Variants in PSMD9 observed in about 807,000 individuals in gnomAD.
PSMD9 encodes proteasome 26S subunit, non-ATPase 9.
A neutral mutation model predicts 25.9 loss-of-function variants in PSMD9; 26 were observed. That is an observed-to-expected ratio of 1.00 (90% CI 0.73 to 1.39). The LOEUF (loss-of-function observed/expected upper bound fraction) is 1.39, where lower values mean the gene tolerates loss of function less well. Ranked by LOEUF, PSMD9 falls within the 40% of genes most tolerant of loss-of-function variation. PSMD9 has a pLI of 0.00. For synonymous variants in PSMD9, 110 were observed against 114.5 expected, an observed-to-expected ratio of 0.96 and a Z score of 0.25; for missense variants, 303 against 299.3, an observed-to-expected ratio of 1.01 and a Z score of -0.09.
intron 4 of PSMD9, among the ~76,000 whole-genome samples, chr12:121,911,899 T>G (rs1300344264): frequency 1.3e-5 from 2 of 152,022 alleles, no homozygotes; most frequent in African/African-American, 2.4e-5. Context: ...GTAATCCACC[T>G]GCCTTGGCCT....
At chr12:121,910,626 G>C (rs747269936) in intron 4 of PSMD9, among the ~76,000 whole-genome samples, 1 of 151,626 alleles carries the variant, frequency 6.6e-6, no homozygotes, top group Non-Finnish European at 1.5e-5. Flanking sequence ...CGGGCGTCGT[G>C]GTGGGCGCCT....
Position 121,894,788 on chromosome 12 carries a change from C to T in PSMD9, c.188C>T (p.Pro63Leu). Reference sequence around the variant, plus strand: ...CCGCTGGTGGACTGTGAGGGCTACCCCCGGTCAGACGTGGACCTGTACCAA... The same window carrying T: ...CCGCTGGTGGACTGTGAGGGCTACCTCCGGTCAGACGTGGACCTGTACCAA... The part of the protein sequence containing the change: ...NEPLVDCEGY[P>L]RSDVDLYQVR... Residue 63 changes from proline to leucine, a missense_variant, in exon 2 of 6, where the codon CCC becomes CTC. Pro to Leu is a moderately conservative substitution (Grantham distance 98). Transcript: ENST00000541212. The T allele has an allele frequency of 3.7e-6, 6 of 1,614,090 alleles. No individual in the cohort carries two copies. Among genetic ancestry groups the T allele is most frequent in the Non-Finnish European group, 5.1e-6 (6 of 1,180,004 alleles).
chr12:121,894,530 G>C, intron 1 of PSMD9: 1 of 536,608 alleles, frequency 1.9e-6, no homozygotes, highest in East Asian at 3.1e-5. Flanking sequence ...TGCATTACTT[G>C]CGTCGTTAAA....
At chr12:121,901,100 T>C (rs1188354203) in intron 3 of PSMD9, among the ~76,000 whole-genome samples, 2 of 151,598 alleles carry the variant, frequency 1.3e-5, no homozygotes, top group Non-Finnish European at 1.5e-5. Flanking sequence ...GCTGGGATTA[T>C]AGGCATGAGC....
rs569504617 is a variant in PSMD9, at chr12:121,898,707, A to ATTTTTG, written c.242-916_242-911dup. 4.2e-3 allele frequency: 663 copies of ATTTTTG among 156,302 alleles called. 3 individuals are homozygous for ATTTTTG. The highest frequency in any genetic ancestry group is 6.8e-3 in the Non-Finnish European group (484 of 71,546). The allele number at this position is 156,302 out of a possible 1,614,324, so 9.7% of individuals were successfully genotyped here. A position where few individuals can be genotyped will look rare whatever the true frequency, so the allele number is the denominator to read the frequency against. ...AGGCACCCGCCACCACGCCCAGCTAATTTTTGTTTTTGTTTTGTTTTGTTT... is the reference window on the plus strand; with the variant it reads ...AGGCACCCGCCACCACGCCCAGCTAATTTTTGTTTTTGTTTTTGTTTTGTTTTGTTT... On this transcript the variant is annotated intron_variant, in intron 2 of 5. Coordinates refer to ENST00000541212, the MANE Select transcript of PSMD9 (RefSeq NM_002813.7).
chr12:121,915,829 C>A, intron 4 of PSMD9, 27 bp from the exon 5 acceptor site: 1 of 1,586,688 alleles, frequency 6.3e-7, no homozygotes, highest in Non-Finnish European at 8.6e-7. Context: ...CGAGGCTGAA[C>A]ACGAAATGAG....
rs781437266 is a variant in PSMD9 at position 121,891,295 on chromosome 12, CTT to C, written c.138+2303_138+2304del. ...TGGGTGACAGAGTGAGATGCTGTCT[CTT>C]TAAAAAAAAAAAAAAAAAAAAGGCC... On this transcript the variant is annotated intron_variant, in intron 1 of 5. Transcript: ENST00000541212. 8.4e-3 allele frequency among the ~76,000 whole-genome samples: 782 copies of C among 92,750 alleles called. 3 individuals carry two copies. The highest frequency in any genetic ancestry group is 0.013 in the Non-Finnish European group (593 of 45,220). The allele number at this position is 92,750 out of a possible 152,430, so 60.8% of individuals were successfully genotyped here.
At chr12:121,905,269 G>C in intron 4 of PSMD9, among the ~76,000 whole-genome samples, 1 of 150,478 alleles carries the variant, frequency 6.6e-6, no homozygotes, top group East Asian at 1.9e-4. Flanking sequence ...GCCCAGGCTG[G>C]AGTGCAGTGG....
At chr12:121,907,843 C>T (rs924501274) in intron 4 of PSMD9, among the ~76,000 whole-genome samples, 1 of 152,044 alleles carries the variant, frequency 6.6e-6, no homozygotes, top group African/African-American at 2.4e-5. Context: ...AGTTTGAGAC[C>T]AGCCTGGGCA....
At chr12:121,913,150 T>G (rs529874626) in intron 4 of PSMD9, among the ~76,000 whole-genome samples, 1 of 152,144 alleles carries the variant, frequency 6.6e-6, no homozygotes, top group Non-Finnish European at 1.5e-5. Context: ...TTCACTGTGT[T>G]AGCCACGATG....
Position 121,890,460 on chromosome 12 carries a change from G to T in PSMD9, c.138+1466G>T, listed in dbSNP as rs368725080. Among the ~76,000 whole-genome samples, 15 of 152,032 alleles carry T rather than the reference G, an allele frequency of 9.9e-5. No homozygotes were observed. In the East Asian group the frequency reaches 2.7e-3, roughly 27 times the overall value. Reference sequence around the variant, plus strand: ...GATCTACTTTTAATCTTATATAAATGTATTATTATTGTTATTATTATTATT... The same window carrying T: ...GATCTACTTTTAATCTTATATAAATTTATTATTATTGTTATTATTATTATT... On this transcript the variant is annotated intron_variant, in intron 1 of 5. Coordinates refer to ENST00000541212, the MANE Select transcript of PSMD9 (RefSeq NM_002813.7).
At chr12:121,892,468 AG>A (rs1879112801) in intron 1 of PSMD9, among the ~76,000 whole-genome samples, 1 of 152,156 alleles carries the variant, frequency 6.6e-6, no homozygotes. Flanking sequence ...TGGGAGGCCG[AG>A]GCTGGCAGAT....
At position 121,918,150 on chromosome 12, in the gene PSMD9, C is replaced by T. The variant is rs1353597959; in HGVS notation, c.*1839C>T. The T allele has an allele frequency of 2.0e-5, 3 of 152,242 alleles. No homozygotes were observed. Among genetic ancestry groups the T allele is most frequent in the African/African-American group, 7.2e-5 (3 of 41,450 alleles). The allele number at this position is 152,242 out of a possible 1,614,324, so 9.4% of individuals were successfully genotyped here. A position where few individuals can be genotyped will look rare whatever the true frequency, so the allele number is the denominator to read the frequency against. ...TGCGGAAACGCTTTGTGCTGAGAAC[C>T]GCAAGCTGGTGCACCCTGTGTCATA... On this transcript the variant is annotated 3_prime_UTR_variant, in exon 6 of 6. Transcript: ENST00000541212. This position sits in a 1 kb window ranked among gnomAD's most constrained non-coding sequence, Gnocchi z 4.3.
At chr12:121,891,047 C>T (rs987883887) in intron 1 of PSMD9, among the ~76,000 whole-genome samples, 5 of 136,302 alleles carry the variant, frequency 3.7e-5, no homozygotes, top group African/African-American at 8.1e-5. Context: ...AGGATGGTCT[C>T]GATCTCCTGA....
chr12:121,896,915 G>A (rs1001625037), intron 2 of PSMD9, among the ~76,000 whole-genome samples: 7 of 151,344 alleles, frequency 4.6e-5, no homozygotes, highest in African/African-American at 7.3e-5. Context: ...GTAATCTCCC[G>A]TGTTGTTAAC....
chr12:121,891,537 T>A (rs1879077320), intron 1 of PSMD9, among the ~76,000 whole-genome samples: 1 of 151,464 alleles, frequency 6.6e-6, no homozygotes, highest in Non-Finnish European at 1.5e-5. Flanking sequence ...GATGTGGAGC[T>A]TGCAGTGAGC....
chr12:121,903,752 CTTTTTTTTT>C (rs11300031), intron 4 of PSMD9, among the ~76,000 whole-genome samples: 3 of 123,492 alleles, frequency 2.4e-5, no homozygotes, highest in African/African-American at 9.4e-5. Flanking sequence ...GAGATCTTTT[CTTTTTTTTT>C]TTTTTTTTTT....
At chr12:121,898,714 TTTTTG>T (rs537448541) in intron 2 of PSMD9, 60 of 156,532 alleles carry the variant, frequency 3.8e-4, no homozygotes, top group African/African-American at 8.0e-4. Context: ...CTAATTTTTG[TTTTTG>T]TTTTGTTTTG....
chr12:121,906,399 G>A, intron 4 of PSMD9, among the ~76,000 whole-genome samples: 1 of 152,236 alleles, frequency 6.6e-6, no homozygotes, highest in East Asian at 1.9e-4. Context: ...GCATAGCACA[G>A]TGGCTCACAC....
Sources: gnomAD v4.1 joint callset for allele counts (sites outside exome capture counted in the v4.1 genomes callset) on GRCh38, gnomAD v4.1.1 for gene constraint, Gnocchi (gnomAD v3.1) non-coding constraint, MANE v1.5 for transcripts, NCBI Gene and HGNC (gene_info 2026-07-23, HGNC 2026-07-21) for gene names.